SRPX: variants seen among roughly 807,000 people sequenced by gnomAD.
SRPX encodes sushi repeat containing protein X-linked.
SRPX carries 24 observed loss-of-function variants against 38.1 expected under a neutral mutation model. The ratio of observed to expected loss-of-function variants is 0.63; its 90% CI spans 0.46 to 0.89. The LOEUF (loss-of-function observed/expected upper bound fraction) is 0.89, where lower values mean the gene tolerates loss of function less well. Ranked by LOEUF, SRPX falls within the 40% of genes least tolerant of loss-of-function variation. The pLI is 0.00. For missense variants in SRPX, 416 were observed against 377.8 expected, an observed-to-expected ratio of 1.10 and a Z score of -0.84; for synonymous variants, 184 against 153.8, an observed-to-expected ratio of 1.20 and a Z score of -1.45.
At chrX:38,181,359 TAC>T (rs1292814753) in intron 1 of SRPX, among the ~76,000 whole-genome samples, 1 of 112,439 alleles carries the variant, frequency 8.9e-6, no homozygotes, top group East Asian at 2.8e-4. Flanking sequence ...GGTTGAAAAG[TAC>T]AGTTTCTAGA....
At chrX:38,204,734 T>C (rs1939179729) in intron 1 of SRPX, among the ~76,000 whole-genome samples, 1 of 112,409 alleles carries the variant, frequency 8.9e-6, no homozygotes, top group Non-Finnish European at 1.9e-5. Context: ...GAATTTAACA[T>C]TAGGTCTTGA....
At chrX:38,163,254 A>G (rs1486071558) in intron 5 of SRPX, among the ~76,000 whole-genome samples, 1 of 112,237 alleles carries the variant, frequency 8.9e-6, no homozygotes, top group Non-Finnish European at 1.9e-5. Context: ...AGATTATTGG[A>G]ATGTAGGAAC....
chrX:38,164,600 A>G (rs938135580), intron 5 of SRPX, among the ~76,000 whole-genome samples, 169 bp downstream of exon 5: 1 of 112,466 alleles, frequency 8.9e-6, no homozygotes, highest in African/African-American at 3.2e-5. Flanking sequence ...TATAATAGAG[A>G]CAGGCAATCA....
In SRPX at chrX:38,164,906, A is replaced by G. The variant is rs372260390; in HGVS notation, c.527-11T>C. Reference sequence around the variant, plus strand: ...TAGGAGGTTCCATATCTGAAAATATAACCAAAACATTCTCATCATCATCAA... The same window carrying G: ...TAGGAGGTTCCATATCTGAAAATATGACCAAAACATTCTCATCATCATCAA... On this transcript the variant is annotated splice_polypyrimidine_tract_variant and intron_variant, in intron 4 of 9. Transcript: ENST00000378533. The G allele has an allele frequency of 2.4e-5, 29 of 1,203,972 alleles. No homozygotes were observed. Among genetic ancestry groups the G allele is most frequent in the Non-Finnish European group, 3.1e-5 (28 of 892,202 alleles).
intron 4 of SRPX, 98 bp from the exon 5 acceptor site, chrX:38,164,993 T>C: frequency 1.3e-6 from 1 of 779,921 alleles, no homozygotes; most frequent in South Asian, 2.6e-5. Flanking sequence ...CCTCTGGGTA[T>C]TCTCCATTTT....
At chrX:38,182,566 C>G (rs978846561) in intron 1 of SRPX, among the ~76,000 whole-genome samples, 1 of 111,855 alleles carries the variant, frequency 8.9e-6, no homozygotes, top group Non-Finnish European at 1.9e-5. Context: ...AATTAATTCC[C>G]CTTTGCCAGG....
intron 7 of SRPX, among the ~76,000 whole-genome samples, chrX:38,158,752 G>A (rs1409899481): frequency 3.6e-5 from 4 of 111,639 alleles, no homozygotes; most frequent in African/African-American, 9.8e-5. Flanking sequence ...AGGCCGAGGC[G>A]TGCAGATCAC....
chrX:38,178,971 G>A (rs1205590336), intron 1 of SRPX, among the ~76,000 whole-genome samples: 1 of 97,756 alleles, frequency 1.0e-5, no homozygotes, highest in Non-Finnish European at 2.0e-5. Context: ...TTTTTGAGAC[G>A]GAGTCTCACT....
At chrX:38,166,837 T>C (rs1938371158) in intron 4 of SRPX, among the ~76,000 whole-genome samples, 1 of 111,811 alleles carries the variant, frequency 8.9e-6, no homozygotes, top group African/African-American at 3.3e-5. Flanking sequence ...GTCTGGATGA[T>C]ACATTGTTGT....
chrX:38,160,879 C>T (rs886308331), intron 6 of SRPX, 54 bp downstream of exon 6: 5 of 1,182,129 alleles, frequency 4.2e-6, no homozygotes, highest in African/African-American at 1.8e-5. Flanking sequence ...GGACCTACTT[C>T]CCTTTGCTCT....
chrX:38,166,353 T>G (rs1938364235), intron 4 of SRPX, among the ~76,000 whole-genome samples: 1 of 112,056 alleles, frequency 8.9e-6, no homozygotes, highest in Non-Finnish European at 1.9e-5. Flanking sequence ...TTCAGTGGAG[T>G]GTGAACTTAA....
At chrX:38,190,444 T>G (rs1483074385) in intron 1 of SRPX, among the ~76,000 whole-genome samples, 1 of 111,681 alleles carries the variant, frequency 9.0e-6, no homozygotes, top group Non-Finnish European at 1.9e-5. Flanking sequence ...AACAAAAACC[T>G]GGACTTTACT....
chrX:38,210,471 C>A (rs1939298983), intron 1 of SRPX, among the ~76,000 whole-genome samples: 1 of 112,183 alleles, frequency 8.9e-6, no homozygotes. Context: ...AGCAGTGCTT[C>A]ATGGAAGGAA....
chrX:38,156,978 A>G lies in SRPX; in HGVS notation c.1007T>C (p.Phe336Ser). The change falls in exon 8 of 10, where the codon TTT (phenylalanine) becomes TCT (serine). Residue 336 changes from phenylalanine to serine, a missense_variant. By Grantham distance (155) the Phe-to-Ser change is radical. Transcript: ENST00000378533. ...AATGAGGAGTCTCCTTTTCTCATAA[A>G]ACTGATCCAGAAGTGCAGCTGCCGT... The part of the protein sequence containing the change: ...VRTAAALLDQ[F>S]YEKRRLLIVS... 1 of 1,211,419 alleles carries G rather than the reference A, an allele frequency of 8.3e-7. No homozygotes were observed. The highest frequency in any genetic ancestry group is 1.1e-6 in the Non-Finnish European group (1 of 895,396).
rs144603940 is a variant in SRPX, at chrX:38,204,275, T to A, written c.97+16421A>T. On this transcript the variant is annotated intron_variant, in intron 1 of 9. Coordinates refer to ENST00000378533, the MANE Select transcript of SRPX (RefSeq NM_006307.5). ...TATGAAATTTATAGCCAAAACAATT[T>A]TGGAAAGAAGAATAAAGTTAGAGGA... Among the ~76,000 whole-genome samples the A allele has an allele frequency of 8.1e-3, 908 of 112,012 alleles. 12 individuals are homozygous for A. Among genetic ancestry groups the A allele is most frequent in the African/African-American group, 0.028 (862 of 30,863 alleles).
intron 2 of SRPX, among the ~76,000 whole-genome samples, chrX:38,177,285 T>C (rs1438409214): frequency 9.0e-6 from 1 of 111,262 alleles, no homozygotes; most frequent in Non-Finnish European, 1.9e-5. Flanking sequence ...TAGGAATGAG[T>C]ATTTGCATTC....
In SRPX at chrX:38,149,905, C is replaced by A; in HGVS notation, c.1212-11G>T. ...ATTCGCAGCAACAGCCTGTGGCAGACAAAGAAAAGAGGAGACTAAGTCAAA... is the reference window on the plus strand; with the variant it reads ...ATTCGCAGCAACAGCCTGTGGCAGAAAAAGAAAAGAGGAGACTAAGTCAAA... On this transcript the variant is annotated splice_polypyrimidine_tract_variant and intron_variant, in intron 9 of 9. Transcript: ENST00000378533. 8.4e-7 allele frequency: 1 copy of A among 1,192,061 alleles called. No individual in the cohort carries two copies. Among genetic ancestry groups the A allele is most frequent in the Non-Finnish European group, 1.1e-6 (1 of 885,571 alleles).
chrX:38,173,582 T>A (rs1283692494), intron 3 of SRPX, among the ~76,000 whole-genome samples: 1 of 111,295 alleles, frequency 9.0e-6, no homozygotes, highest in Non-Finnish European at 1.9e-5. Context: ...CCTGAGTAGC[T>A]GGGATTACAG....
At chrX:38,177,548 ATTT>A (rs5902179) in intron 2 of SRPX, among the ~76,000 whole-genome samples, 1 of 96,790 alleles carries the variant, frequency 1.0e-5, no homozygotes, top group Non-Finnish European at 2.1e-5. Context: ...TTTGTTAACC[ATTT>A]TTTTTTTTTT....
Sources: allele counts gnomAD v4.1 joint callset (sites outside exome capture counted in the v4.1 genomes callset), GRCh38; gene constraint gnomAD v4.1.1; transcripts MANE v1.5; gene names NCBI Gene and HGNC (gene_info 2026-07-23, HGNC 2026-07-21).